The following KIF1A variants were observed in gnomAD, a reference collection of about 807,000 sequenced individuals.
The protein encoded by KIF1A is kinesin family member 1A, also known as kinesin-like protein KIF1A.
Under a neutral mutation model 227.3 loss-of-function variants are expected in KIF1A, and 46 were observed. The observed-to-expected ratio is 0.20, with a 90% CI of 0.16 to 0.26. KIF1A has a LOEUF of 0.26. Among genes scored for constraint, KIF1A ranks in the 10% least tolerant of loss-of-function variants. KIF1A has a pLI of 1.00. For missense variants in KIF1A, 1,683 were observed against 2,485.9 expected (o/e 0.68, Z 6.87); for synonymous variants, 1,022 against 1,012.8 (o/e 1.01, Z -0.17).
chr2:240,737,559 G>GAGGGAGGGAGGGAGGA (rs1441109411), intron 37 of KIF1A: 6 of 152,392 alleles, frequency 3.9e-5, no homozygotes, highest in Non-Finnish European at 5.8e-5. Flanking sequence ...GAAAGGGAGG[G>GAGGGAGGGAGGGAGGA]AGGGAGGGAG....
At chr2:240,722,394 A>G in intron 43 of KIF1A, 62 bp downstream of exon 43, 4 of 1,491,014 alleles carry the variant, frequency 2.7e-6, no homozygotes, top group Non-Finnish European at 1.8e-6. Flanking sequence ...AGTTGCCCAG[A>G]AATGACTCAG....
rs762837283 is a variant in KIF1A, at chr2:240,717,349, C to T, written c.*15G>A. 75 of 1,609,764 alleles carry T rather than the reference C, an allele frequency of 4.7e-5. No homozygotes were observed. Among genetic ancestry groups the T allele is most frequent in the South Asian group, 6.6e-5 (6 of 91,020 alleles). Reference sequence around the variant, plus strand: ...GATGGGCTGGGCCTGCCGGCTGTCACGGGAGGGCTCAGGTTCAGACCCGCA... The same window carrying T: ...GATGGGCTGGGCCTGCCGGCTGTCATGGGAGGGCTCAGGTTCAGACCCGCA... On this transcript the variant is annotated 3_prime_UTR_variant, in exon 49 of 49. Coordinates refer to ENST00000498729, the MANE Select transcript of KIF1A (RefSeq NM_001244008.2).
rs1047979109 is a variant in KIF1A, at chr2:240,763,490, C to T, written c.1769-144G>A. 1.6e-5 allele frequency: 12 copies of T among 746,636 alleles called. No individual in the cohort carries two copies. In the East Asian group the frequency reaches 2.0e-4, roughly 12 times the overall value. 46.3% of individuals were successfully genotyped at this position (746,636 alleles called of 1,614,324 possible). ...TCCCAGCCACTCCTTCTTCAGCCCT[C>T]GCTGGGACCTGAATGTGTCTCCTCA... On this transcript the variant is annotated intron_variant, in intron 20 of 48. Transcript: ENST00000498729.
Position 240,725,351 on chromosome 2 carries a change from G to A in KIF1A, c.4176C>T (p.Phe1392=), listed in dbSNP as rs754203456. The A allele has an allele frequency of 1.2e-4, 196 of 1,612,080 alleles. No individual in the cohort carries two copies. Among genetic ancestry groups the A allele is most frequent in the Non-Finnish European group, 1.6e-4 (193 of 1,179,640 alleles). ...AVVTKDFCMV[F]YSRDAKLPAS... Reference sequence around the variant, plus strand: ...CTGGCAGCTTGGCATCACGGGAATAGAAGACCATGCAGAAGTCCTTGGTGA... The same window carrying A: ...CTGGCAGCTTGGCATCACGGGAATAAAAGACCATGCAGAAGTCCTTGGTGA... The change falls in exon 40 of 49, where the codon TTC becomes TTT. Residue 1392 remains phenylalanine (F), a synonymous_variant. Coordinates refer to ENST00000498729, the MANE Select transcript of KIF1A (RefSeq NM_001244008.2). This position sits in a 1 kb window ranked among gnomAD's most constrained non-coding sequence, Gnocchi z 5.8.
In KIF1A at chr2:240,772,445, CA is replaced by C. The variant is rs2052136076; in HGVS notation, c.1207+124del. ...AGGGAGAGCAGTGCTTTCTGCCCCC[CA>C]AAAAGGAGAAGAAAGCAGAGCAGGT... is the stretch of plus-strand genomic sequence containing the variant. On this transcript the variant is annotated intron_variant, in intron 14 of 48. Transcript: ENST00000498729. 7.1e-5 allele frequency: 55 copies of C among 779,948 alleles called. 1 individual carries two copies. The South Asian group carries it at 9.2e-4, about 13-fold the overall frequency. The allele number at this position is 779,948 out of a possible 1,614,324, so 48.3% of individuals were successfully genotyped here.
Position 240,783,162 on chromosome 2 carries a change from C to T in KIF1A, c.799-53G>A. ...GGATGCTGGGGACCCGTGGGGCCTC[C>T]TGCTCTGGAGGGATGCCCTGGGTGG... On this transcript the variant is annotated intron_variant, in intron 8 of 48. Coordinates refer to ENST00000498729, the MANE Select transcript of KIF1A (RefSeq NM_001244008.2). 2.1e-6 allele frequency: 3 copies of T among 1,405,194 alleles called. No homozygotes were observed. In the Admixed American group the frequency reaches 5.0e-5, roughly 24 times the overall value. The allele number at this position is 1,405,194 out of a possible 1,614,324, so 87.0% of individuals were successfully genotyped here.
chr2:240,749,395 G>A lies in KIF1A; in HGVS notation c.2977+1034C>T, dbSNP rs149762398. ...TCGCTCCTCTAAGCAGCCCCAGCCC[G>A]GCAGCCAGGAGCCCCCCTGCAGCCA... is the stretch of plus-strand genomic sequence containing the variant. On this transcript the variant is annotated intron_variant, in intron 28 of 48. Transcript: ENST00000498729. 2.5e-3 allele frequency among the ~76,000 whole-genome samples: 386 copies of A among 152,254 alleles called. 2 individuals carry two copies. Among genetic ancestry groups the A allele is most frequent in the African/African-American group, 8.8e-3 (365 of 41,562 alleles).
intron 5 of KIF1A, 78 bp from the exon 6 acceptor site, chr2:240,786,591 G>T: frequency 1.5e-6 from 2 of 1,338,124 alleles, no homozygotes; most frequent in Non-Finnish European, 2.1e-6. Context: ...CCTGAGTGAG[G>T]GGGTAGGGGT....
At chr2:240,774,137 A>T in intron 12 of KIF1A, 46 bp downstream of exon 12, 1 of 1,297,930 alleles carries the variant, frequency 7.7e-7, no homozygotes, top group Middle Eastern at 1.9e-4. Context: ...TCCATCCCCC[A>T]AGACCAGGGA....
chr2:240,743,820 G>A, intron 33 of KIF1A, 122 bp downstream of exon 33: 1 of 653,924 alleles, frequency 1.5e-6, no homozygotes, highest in Non-Finnish European at 2.7e-6. Context: ...CCTCCTGGAT[G>A]GGCAGGGGAG....
chr2:240,781,897 C>G (rs2054076002), intron 10 of KIF1A: 1 of 985,294 alleles, frequency 1.0e-6, no homozygotes, highest in African/African-American at 1.7e-5. Flanking sequence ...CTTGGAACTC[C>G]TCACACGGGC....
intron 47 of KIF1A, 122 bp downstream of exon 47, chr2:240,718,884 G>C: frequency 1.3e-6 from 1 of 773,886 alleles, no homozygotes; most frequent in African/African-American, 1.7e-5. Flanking sequence ...CCGTGGAACA[G>C]GACGGAGTCT....
chr2:240,737,185 G>C lies in KIF1A; in HGVS notation c.3902-17C>G, dbSNP rs758886714. The C allele has an allele frequency of 1.9e-6, 3 of 1,606,888 alleles. No individual in the cohort carries two copies. The highest frequency in any genetic ancestry group is 4.5e-5 in the East Asian group (2 of 44,808). On this transcript the variant is annotated splice_polypyrimidine_tract_variant and intron_variant, in intron 37 of 48. Transcript: ENST00000498729. ...GGATGCGGCCTGCAGAAAAGGCAAC[G>C]GGCCACAGGTCACTTCCCAGGGGGC...
At position 240,786,511 on chromosome 2, in the gene KIF1A, G is replaced by C; in HGVS notation, c.432C>G (p.Val144=). Residue 144 remains valine, a splice_region_variant and synonymous_variant, in exon 6 of 49, where the codon GTC becomes GTG. Coordinates refer to ENST00000498729, the MANE Select transcript of KIF1A (RefSeq NM_001244008.2). The stretch of plus-strand genomic sequence containing the variant: ...GCTCACAGTAAATCTCCATGTAGCT[G>C]ACCTGCAGGGCAGAGCCAGGCCATC... ...TNDNMSYSVE[V]SYMEIYCERV... 7 of 1,612,846 alleles carry C rather than the reference G, an allele frequency of 4.3e-6. No individual in the cohort carries two copies. The highest frequency in any genetic ancestry group is 5.9e-6 in the Non-Finnish European group (7 of 1,179,552).
intron 28 of KIF1A, among the ~76,000 whole-genome samples, chr2:240,749,677 A>G (rs2125820144): frequency 6.6e-6 from 1 of 151,964 alleles, no homozygotes; most frequent in South Asian, 2.1e-4. Flanking sequence ...GTACCCTTCA[A>G]CATTCCTATC....
At chr2:240,812,654 A>AGGG (rs111619239) in intron 1 of KIF1A, among the ~76,000 whole-genome samples, 1 of 38,896 alleles carries the variant, frequency 2.6e-5, no homozygotes, top group Admixed American at 1.9e-4. Flanking sequence ...CTTCACCTCA[A>AGGG]GATCCACCTT....
At position 240,719,944 on chromosome 2, in the gene KIF1A, G is replaced by A. The variant is rs2045089282; in HGVS notation, c.4869-18C>T. 8 of 1,591,814 alleles carry A rather than the reference G, an allele frequency of 5.0e-6. No homozygotes were observed. The highest frequency in any genetic ancestry group is 6.8e-6 in the Non-Finnish European group (8 of 1,170,628). On this transcript the variant is annotated intron_variant, in intron 45 of 48. Transcript: ENST00000498729. ...GCGGGGTCCTGGGAAGCAGAGGGAA[G>A]TGCTGCCCACTGCAGGCCTCCCTGG... is the stretch of plus-strand genomic sequence containing the variant.
Position 240,772,581 on chromosome 2 carries a change from C to G in KIF1A, c.1196G>C (p.Gly399Ala), listed in dbSNP as rs2052152017. Residue 399 changes from glycine (G) to alanine (A), a missense_variant, in exon 14 of 49, where the codon GGA becomes GCA. Gly to Ala is a moderately conservative substitution (Grantham distance 60). Coordinates refer to ENST00000498729, the MANE Select transcript of KIF1A (RefSeq NM_001244008.2). ...GDITDTNTVP[G>A]GPKLTNALVG... ...AAGGGAATACACACATTTGGGTCCTCCAGGCACAGTGTTGGCTATGGGGGA... is the reference window on the plus strand; with the variant it reads ...AAGGGAATACACACATTTGGGTCCTGCAGGCACAGTGTTGGCTATGGGGGA... 6 of 1,548,654 alleles carry G rather than the reference C, an allele frequency of 3.9e-6. No individual in the cohort carries two copies. The highest frequency in any genetic ancestry group is 1.4e-5 in the African/African-American group (1 of 72,962).
At chr2:240,791,905 C>T (rs2055757993) in intron 2 of KIF1A, among the ~76,000 whole-genome samples, 1 of 151,482 alleles carries the variant, frequency 6.6e-6, no homozygotes. Context: ...CCACCCTGGC[C>T]CTGCCTACAC....
Sources: allele counts gnomAD v4.1 joint callset (sites outside exome capture counted in the v4.1 genomes callset), GRCh38; gene constraint gnomAD v4.1.1; non-coding constraint Gnocchi (gnomAD v3.1); transcripts MANE v1.5; gene names NCBI Gene and HGNC (gene_info 2026-07-23, HGNC 2026-07-21).